ESX1: variants seen among roughly 807,000 people sequenced by gnomAD.
ESX1 encodes ESX homeobox 1, also known as homeobox protein ESX1.
A neutral mutation model predicts 13.2 loss-of-function variants in ESX1; 2 were observed. The observed-to-expected ratio is 0.15, with a 90% CI of 0.06 to 0.48. The LOEUF is 0.48. Ranked by LOEUF, ESX1 falls within the 20% of genes least tolerant of loss-of-function variation. The pLI is 0.97. For synonymous variants in ESX1, 157 were observed against 163.1 expected (o/e 0.96, Z 0.29); for missense variants, 307 against 379.0 (o/e 0.81, Z 1.58).
rs1051585333 is a variant in ESX1 at position 104,254,790 on chromosome X, G to T, written c.60C>A (p.Gly20=). Residue 20 remains glycine, a synonymous_variant, in exon 1 of 4, where the codon GGC becomes GGA. Coordinates refer to ENST00000372588, the MANE Select transcript of ESX1 (RefSeq NM_153448.4). ...AACCATTCACTTCCTCGATGTCCTCGCCGACTGCCAGGCTGCGGTAGCCAA... is the reference window on the plus strand; with the variant it reads ...AACCATTCACTTCCTCGATGTCCTCTCCGACTGCCAGGCTGCGGTAGCCAA... ...SDIGYRSLAV[G]EDIEEVNDEK... The T allele has an allele frequency of 4.1e-6, 5 of 1,210,231 alleles. No individual in the cohort carries two copies. Among genetic ancestry groups the T allele is most frequent in the Admixed American group, 4.3e-5 (2 of 46,083 alleles).
Position 104,254,279 on chromosome X carries a change from T to C in ESX1, c.381A>G (p.Pro127=). The stretch of plus-strand genomic sequence containing the variant: ...GGGGCTGTGGTCCCTCAGCGGTTTG[T>C]GGCCCCTCCGCCGGCTGTGGCCCCT... ...TVEGPQPAEG[P]QTAEGPQPPE... Residue 127 remains proline, a synonymous_variant, in exon 2 of 4, where the codon CCA becomes CCG. Transcript: ENST00000372588. The C allele has an allele frequency of 1.7e-6, 2 of 1,212,014 alleles. No individual in the cohort carries two copies. The highest frequency in any genetic ancestry group is 1.1e-6 in the Non-Finnish European group (1 of 895,540).
chrX:104,250,998 T>G (rs1923171836), intron 3 of ESX1, 102 bp from the exon 4 acceptor site: 1 of 706,614 alleles, frequency 1.4e-6, no homozygotes. Flanking sequence ...GACTTTAAAC[T>G]GCAACAGGTG....
At chrX:104,252,107 A>G (rs927822710) in intron 3 of ESX1, among the ~76,000 whole-genome samples, 9 of 112,238 alleles carry the variant, frequency 8.0e-5, no homozygotes, top group Admixed American at 2.8e-4. Flanking sequence ...TGACATCAAA[A>G]TCTTCCCAAA....
In ESX1 at chrX:104,250,072, A is replaced by T. The variant is rs1923117156; in HGVS notation, c.*156T>A. The T allele has an allele frequency of 1.5e-6, 1 of 679,472 alleles. No homozygotes were observed. Among genetic ancestry groups the T allele is most frequent in the East Asian group, 4.1e-5 (1 of 24,419 alleles). 56.0% of individuals were successfully genotyped at this position (679,472 alleles called of 1,213,427 possible). A position where few individuals can be genotyped will look rare whatever the true frequency, so the allele number is the denominator to read the frequency against. On this transcript the variant is annotated 3_prime_UTR_variant, in exon 4 of 4. Transcript: ENST00000372588. ...GTCACATCTTTATTGAAAATACTACAATTATGTGGCCTACAAAAATAACAG... is the reference window on the plus strand; with the variant it reads ...GTCACATCTTTATTGAAAATACTACTATTATGTGGCCTACAAAAATAACAG...
chrX:104,253,861 A>T (rs1318094773), intron 2 of ESX1, among the ~76,000 whole-genome samples: 1 of 112,589 alleles, frequency 8.9e-6, no homozygotes, highest in Admixed American at 9.4e-5. Context: ...GCGCTAAAAA[A>T]CTCGATAATC....
At chrX:104,254,046 C>A in intron 2 of ESX1, 108 bp downstream of exon 2, 1 of 976,787 alleles carries the variant, frequency 1.0e-6, no homozygotes, top group Non-Finnish European at 1.4e-6. Flanking sequence ...CCACCACGTC[C>A]CCCAAAAACC....
At position 104,250,119 on chromosome X, in the gene ESX1, C is replaced by G. The variant is rs918505134; in HGVS notation, c.*109G>C. 162 of 898,254 alleles carry G rather than the reference C, an allele frequency of 1.8e-4. No individual in the cohort carries two copies. The highest frequency in any genetic ancestry group is 2.0e-4 in the Admixed American group (5 of 25,288). 74.0% of individuals were successfully genotyped at this position (898,254 alleles called of 1,213,427 possible). ...ACAGGGCATTCGTTAACTTTGTTCA[C>G]CTACCCACTTCATTTAACAAGCATC... On this transcript the variant is annotated 3_prime_UTR_variant, in exon 4 of 4. Transcript: ENST00000372588.
intron 3 of ESX1, among the ~76,000 whole-genome samples, chrX:104,252,454 A>T (rs1923206010): frequency 8.9e-6 from 1 of 112,256 alleles, no homozygotes; most frequent in South Asian, 3.7e-4. Flanking sequence ...ATGTGTATAC[A>T]TGTGCATATA....
At chrX:104,251,861 C>T (rs1556394421) in intron 3 of ESX1, among the ~76,000 whole-genome samples, 2 of 111,632 alleles carry the variant, frequency 1.8e-5, no homozygotes, top group South Asian at 3.7e-4. Flanking sequence ...TACAAAAAAG[C>T]GAACATTCTC....
chrX:104,254,137 C>G lies in ESX1; in HGVS notation c.506+17G>C. ...GGTCCCGGGATGAACTGGGCGCCTC[C>G]GGGGCAAGCCACTTACCGCGCCACA... is the stretch of plus-strand genomic sequence containing the variant. On this transcript the variant is annotated intron_variant, in intron 2 of 3. Coordinates refer to ENST00000372588, the MANE Select transcript of ESX1 (RefSeq NM_153448.4). 8.4e-7 allele frequency: 1 copy of G among 1,183,895 alleles called. No homozygotes were observed. Among genetic ancestry groups the G allele is most frequent in the Non-Finnish European group, 1.1e-6 (1 of 880,337 alleles).
Position 104,252,846 on chromosome X carries a change from C to A in ESX1, c.507-18G>T, listed in dbSNP as rs1556394680. The A allele has an allele frequency of 8.4e-7, 1 of 1,195,159 alleles. No individual in the cohort carries two copies. Among genetic ancestry groups the A allele is most frequent in the Non-Finnish European group, 1.1e-6 (1 of 881,143 alleles). On this transcript the variant is annotated intron_variant, in intron 2 of 3. Transcript: ENST00000372588. The stretch of plus-strand genomic sequence containing the variant: ...GTCTCTCTCTTAGGGGAGAAAATTA[C>A]AAATATTCAGTATTTGGAGTTGTGG...
intron 2 of ESX1, among the ~76,000 whole-genome samples, chrX:104,253,109 A>G (rs1224756527): frequency 9.4e-6 from 1 of 106,393 alleles, no homozygotes; most frequent in Non-Finnish European, 1.9e-5. Flanking sequence ...AGATCGCGCC[A>G]CCGCTCTCCA....
intron 2 of ESX1, 34 bp downstream of exon 2, chrX:104,254,120 G>C (rs2044658562): frequency 8.6e-7 from 1 of 1,169,465 alleles, no homozygotes; most frequent in African/African-American, 1.8e-5. Context: ...AGGGTCCCGG[G>C]ATGAACTGGG....
intron 3 of ESX1, among the ~76,000 whole-genome samples, chrX:104,251,771 T>C (rs570229637): frequency 9.0e-6 from 1 of 110,932 alleles, no homozygotes; most frequent in African/African-American, 3.3e-5. Flanking sequence ...CCCTAATCAA[T>C]CAAATTCCAG....
chrX:104,251,103 C>A (rs929850807), intron 3 of ESX1, among the ~76,000 whole-genome samples: 12 of 111,325 alleles, frequency 1.1e-4, no homozygotes, highest in Non-Finnish European at 1.7e-4. Flanking sequence ...CCAAAGCCAA[C>A]AGATGGCAAA....
chrX:104,250,362 TGGGCGGCCCGGGTGGC>T lies in ESX1; in HGVS notation c.1071_1086del (p.Pro358TrpfsTer50), dbSNP rs782168338. The T allele has an allele frequency of 2.1e-5, 23 of 1,083,962 alleles. No individual in the cohort carries two copies. The South Asian group carries it at 5.7e-4, about 27-fold the overall frequency. 89.3% of individuals were successfully genotyped at this position (1,083,962 alleles called of 1,213,427 possible). On this transcript the variant is annotated frameshift_variant, in exon 4 of 4. Coordinates refer to ENST00000372588, the MANE Select transcript of ESX1 (RefSeq NM_153448.4). LOFTEE classifies it low-confidence loss of function (END_TRUNC). ...GGCGGCCCGGGTGGCAGAGGCGCCATGGGCGGCCCGGGTGGCAGAGGCGCCATGGGCGGCCCGGGTG... is the reference window on the plus strand; with the variant it reads ...GGCGGCCCGGGTGGCAGAGGCGCCATAGAGGCGCCATGGGCGGCCCGGGTG...
chrX:104,250,114 G>C lies in ESX1; in HGVS notation c.*114C>G. 2 of 857,773 alleles carry C rather than the reference G, an allele frequency of 2.3e-6. No homozygotes were observed. The highest frequency in any genetic ancestry group is 3.1e-6 in the Non-Finnish European group (2 of 641,067). 70.7% of individuals were successfully genotyped at this position (857,773 alleles called of 1,213,427 possible). Reference sequence around the variant, plus strand: ...AAATAACAGGGCATTCGTTAACTTTGTTCACCTACCCACTTCATTTAACAA... The same window carrying C: ...AAATAACAGGGCATTCGTTAACTTTCTTCACCTACCCACTTCATTTAACAA... On this transcript the variant is annotated 3_prime_UTR_variant, in exon 4 of 4. Transcript: ENST00000372588.
Position 104,254,375 on chromosome X carries a change from C to T in ESX1, c.285G>A (p.Glu95=), listed in dbSNP as rs782744741. The T allele has an allele frequency of 2.5e-6, 3 of 1,209,651 alleles. No homozygotes were observed. Among genetic ancestry groups the T allele is most frequent in the East Asian group, 3.0e-5 (1 of 33,730 alleles). Residue 95 remains glutamate (E), a synonymous_variant, in exon 2 of 4, where the codon GAG becomes GAA. Coordinates refer to ENST00000372588, the MANE Select transcript of ESX1 (RefSeq NM_153448.4). ...GCAGGGGCGGCTCCTCCTGCTGTTG[C>T]TCCGGCTTGGTCAGGGGCGGCTCCT... ...QQEEPPLTKP[E]QQQEEPPLLE...
intron 2 of ESX1, 40 bp from the exon 3 acceptor site, chrX:104,252,868 G>A: frequency 8.7e-7 from 1 of 1,150,717 alleles, no homozygotes; most frequent in South Asian, 1.8e-5. Context: ...ATTTGGAGTT[G>A]TGGATAAAAT....
Sources: gnomAD v4.1 joint callset for allele counts (sites outside exome capture counted in the v4.1 genomes callset) on GRCh38, gnomAD v4.1.1 for gene constraint, MANE v1.5 for transcripts, NCBI Gene and HGNC (gene_info 2026-07-23, HGNC 2026-07-21) for gene names.